Variants in KCNC2 observed in about 807,000 individuals in gnomAD.
The protein encoded by KCNC2 is potassium voltage-gated channel subfamily C member 2, also known as voltage-gated potassium channel KCNC2.
KCNC2 carries 21 observed loss-of-function variants against 44.5 expected under a neutral mutation model. The observed-to-expected ratio is 0.47, with a 90% CI of 0.33 to 0.68. The LOEUF is 0.68. Ranked by LOEUF, KCNC2 falls within the 30% of genes least tolerant of loss-of-function variation. The probability of loss-of-function intolerance (pLI) is 0.01; values close to 1 mark genes in which losing one functional copy is unlikely to be tolerated. For missense variants in KCNC2, 589 were observed against 826.2 expected (o/e 0.71, Z 3.52); for synonymous variants, 391 against 339.1 (o/e 1.15, Z -1.68).
intron 2 of KCNC2, among the ~76,000 whole-genome samples, chr12:75,202,329 A>C (rs1424504307): frequency 3.3e-5 from 5 of 151,856 alleles, no homozygotes; most frequent in Non-Finnish European, 7.4e-5. Context: ...AATTAAATTT[A>C]CTTGATTATT....
chr12:75,167,375 T>TAA (rs1891529628), intron 2 of KCNC2, among the ~76,000 whole-genome samples: 4 of 151,432 alleles, frequency 2.6e-5, no homozygotes, highest in South Asian at 4.1e-4. Context: ...ATAGATGGAT[T>TAA]AAAAATAATC....
intron 2 of KCNC2, among the ~76,000 whole-genome samples, chr12:75,080,124 G>A (rs1451210450): frequency 6.6e-6 from 1 of 151,784 alleles, no homozygotes; most frequent in Non-Finnish European, 1.5e-5. Context: ...TTTTCTTCCT[G>A]TTTTCTGGCT....
intron 2 of KCNC2, among the ~76,000 whole-genome samples, chr12:75,060,942 T>A (rs962389302): frequency 1.3e-5 from 2 of 152,176 alleles, no homozygotes; most frequent in Non-Finnish European, 2.9e-5. Context: ...GGCAAAGAAC[T>A]ACTAAGTAGT....
rs114737371 is a variant in KCNC2 at position 75,196,464 on chromosome 12, G to A, written c.687+10833C>T. Among the ~76,000 whole-genome samples, 606 of 152,080 alleles carry A rather than the reference G, an allele frequency of 4.0e-3. 5 individuals are homozygous for A. Among genetic ancestry groups the A allele is most frequent in the African/African-American group, 0.014 (591 of 41,512 alleles). On this transcript the variant is annotated intron_variant, in intron 2 of 4. Coordinates refer to ENST00000549446, the MANE Select transcript of KCNC2 (RefSeq NM_139137.4). ...AGAAATGAGCAATGCTTGCCTCAAG[G>A]AATAATAGCAATGATAATGTTAAGA...
chr12:75,154,427 G>C (rs958185187), intron 2 of KCNC2, among the ~76,000 whole-genome samples: 1 of 151,986 alleles, frequency 6.6e-6, no homozygotes, highest in Admixed American at 6.6e-5. Flanking sequence ...TGTCCTCGAA[G>C]TTGTCTATTT....
At chr12:75,201,295 A>C (rs1053693488) in intron 2 of KCNC2, among the ~76,000 whole-genome samples, 1 of 57,818 alleles carries the variant, frequency 1.7e-5, no homozygotes, top group Non-Finnish European at 3.3e-5. Flanking sequence ...AAAAAAAAAA[A>C]AAACCAGATT....
chr12:75,123,836 A>T (rs1888210486), intron 2 of KCNC2, among the ~76,000 whole-genome samples: 2 of 152,208 alleles, frequency 1.3e-5, no homozygotes, highest in African/African-American at 4.8e-5. Context: ...AACTCTATAC[A>T]TTGGTTATAG....
chr12:75,097,020 A>G (rs1885985551), intron 2 of KCNC2, among the ~76,000 whole-genome samples: 1 of 152,156 alleles, frequency 6.6e-6, no homozygotes, highest in South Asian at 2.1e-4. Flanking sequence ...CAATCAGTGA[A>G]TAGGAAACAA....
Position 75,207,831 on chromosome 12 carries a change from G to T in KCNC2, c.153C>A (p.Gly51=). 1 of 1,609,114 alleles carries T rather than the reference G, an allele frequency of 6.2e-7. No homozygotes were observed. The highest frequency in any genetic ancestry group is 2.2e-5 in the East Asian group (1 of 44,472). Residue 51 remains glycine, a synonymous_variant, in exon 2 of 5, where the codon GGC becomes GGA. Transcript: ENST00000549446. The surrounding 1 kb of genome is among the most constrained non-coding windows in gnomAD (Gnocchi z 4.1). ...EPPGDCLTTA[G]DKLQPSPPPL... is the part of the protein sequence containing the mutation. ...GAGGCGGCGACGGCTGCAGCTTGTC[G>T]CCCGCCGTGGTCAAGCAGTCGCCTG...
chr12:75,070,075 A>C (rs1474726318), intron 2 of KCNC2, among the ~76,000 whole-genome samples: 2 of 152,208 alleles, frequency 1.3e-5, no homozygotes, highest in Non-Finnish European at 2.9e-5. Context: ...AAGCTATTTG[A>C]GCTAACTTAA....
intron 2 of KCNC2, among the ~76,000 whole-genome samples, chr12:75,178,317 AT>A (rs1309828525): frequency 6.6e-6 from 1 of 152,020 alleles, no homozygotes; most frequent in Non-Finnish European, 1.5e-5. Flanking sequence ...CTGTTATAAT[AT>A]AAATAAGGTG....
rs775529843 is a variant in KCNC2, at chr12:75,207,951, G to A, written c.33C>T (p.Ile11=). The A allele has an allele frequency of 3.1e-6, 5 of 1,612,742 alleles. No homozygotes were observed. The highest frequency in any genetic ancestry group is 4.2e-6 in the Non-Finnish European group (5 of 1,179,920). The part of the protein sequence containing the change: MGKIENNERV[I]LNVGGTRHET... ...CGTGCCGGGTGCCCCCGACATTGAGGATCACCCTCTCGTTGTTCTCGATCT... is the reference window on the plus strand; with the variant it reads ...CGTGCCGGGTGCCCCCGACATTGAGAATCACCCTCTCGTTGTTCTCGATCT... Residue 11 remains isoleucine (I), a synonymous_variant, in exon 2 of 5, where the codon ATC becomes ATT. Transcript: ENST00000549446. The surrounding 1 kb of genome is among the most constrained non-coding windows in gnomAD (Gnocchi z 4.1).
At chr12:75,074,201 G>C (rs963393489) in intron 2 of KCNC2, among the ~76,000 whole-genome samples, 8 of 148,930 alleles carry the variant, frequency 5.4e-5, no homozygotes, top group Non-Finnish European at 1.0e-4. Context: ...AGGTCTGCAA[G>C]CTAGGAAAGA....
At chr12:75,079,792 C>T (rs932482428) in intron 2 of KCNC2, among the ~76,000 whole-genome samples, 2 of 152,044 alleles carry the variant, frequency 1.3e-5, no homozygotes, top group African/African-American at 2.4e-5. Context: ...TCAAAAGCTA[C>T]GATAATTTTC....
At chr12:75,116,751 C>T (rs985779049) in intron 2 of KCNC2, among the ~76,000 whole-genome samples, 1 of 152,156 alleles carries the variant, frequency 6.6e-6, no homozygotes, top group African/African-American at 2.4e-5. Flanking sequence ...GCAGTCTCAG[C>T]CTGTAGCCTG....
chr12:75,041,104 A>G lies in KCNC2; in HGVS notation c.*2001T>C, dbSNP rs1879849589. On this transcript the variant is annotated 3_prime_UTR_variant, in exon 5 of 5. Transcript: ENST00000549446. Reference sequence around the variant, plus strand: ...AAGTGCAACCTGGTCACATCAGGGCACATTCAGCAGCAGAAGTCTGTTTCC... The same window carrying G: ...AAGTGCAACCTGGTCACATCAGGGCGCATTCAGCAGCAGAAGTCTGTTTCC... The G allele has an allele frequency of 2.5e-6, 4 of 1,596,222 alleles. No homozygotes were observed. Among genetic ancestry groups the G allele is most frequent in the Non-Finnish European group, 3.4e-6 (4 of 1,178,438 alleles).
intron 2 of KCNC2, among the ~76,000 whole-genome samples, chr12:75,070,478 A>T (rs1339190323): frequency 1.3e-5 from 2 of 151,878 alleles, no homozygotes; most frequent in African/African-American, 4.8e-5. Context: ...CACTTTTTAT[A>T]CTCTAAGCAT....
intron 2 of KCNC2, among the ~76,000 whole-genome samples, chr12:75,119,895 A>G (rs1056480755): frequency 1.3e-5 from 2 of 152,214 alleles, no homozygotes; most frequent in Non-Finnish European, 2.9e-5. Flanking sequence ...GACCCTTTCA[A>G]CTGAATAAAG....
intron 2 of KCNC2, among the ~76,000 whole-genome samples, chr12:75,060,432 C>T (rs1340982032): frequency 2.6e-5 from 4 of 151,968 alleles, no homozygotes; most frequent in African/African-American, 9.7e-5. Context: ...TAATGGCTCC[C>T]AACTACTAGA....
Sources: allele counts gnomAD v4.1 joint callset (sites outside exome capture counted in the v4.1 genomes callset), GRCh38; gene constraint gnomAD v4.1.1; non-coding constraint Gnocchi (gnomAD v3.1); transcripts MANE v1.5; gene names NCBI Gene and HGNC (gene_info 2026-07-23, HGNC 2026-07-21).